DISC1: variants seen among roughly 807,000 people sequenced by gnomAD.
The protein encoded by DISC1 is DISC1 scaffold protein, also known as disrupted in schizophrenia 1 protein.
DISC1 carries 57 observed loss-of-function variants against 84.5 expected under a neutral mutation model. The ratio of observed to expected loss-of-function variants is 0.67; its 90% confidence interval spans 0.55 to 0.84. DISC1 has a LOEUF of 0.84. DISC1 is among the 40% of genes least tolerant of loss of function. The pLI is 0.00. For synonymous variants in DISC1, 411 were observed against 415.2 expected (o/e 0.99, Z 0.12); for missense variants, 1,000 against 1,057.8 (o/e 0.95, Z 0.76).
intron 9 of DISC1, among the ~76,000 whole-genome samples, chr1:231,828,885 G>T (rs6667141): frequency 0.24 from 36,880 of 151,974 alleles, 4,768 homozygotes; most frequent in Non-Finnish European, 0.26. Flanking sequence ...TGAAACTGAG[G>T]CTCAGTGAAT....
chr1:231,957,144 CTG>C lies in DISC1; in HGVS notation c.1982-1683_1982-1682del, dbSNP rs112975502. On this transcript the variant is annotated intron_variant, in intron 9 of 12. Coordinates refer to ENST00000439617, the MANE Select transcript of DISC1 (RefSeq NM_018662.3). ...ACCACAGTGGCCCGCTTGATTGGAC[CTG>C]GGTTGTTTCTCTGCCTTCATCTTTT... Among the ~76,000 whole-genome samples, 645 of 152,310 alleles carry C rather than the reference CTG, an allele frequency of 4.2e-3. 13 individuals carry two copies. The South Asian group carries it at 0.069, about 16-fold the overall frequency.
At chr1:231,654,464 A>C (rs1458885092) in intron 1 of DISC1, among the ~76,000 whole-genome samples, 4 of 152,068 alleles carry the variant, frequency 2.6e-5, no homozygotes, top group Non-Finnish European at 5.9e-5. Flanking sequence ...TGTGGTATGA[A>C]ATTTTTGTGT....
intron 4 of DISC1, among the ~76,000 whole-genome samples, chr1:231,752,450 T>C (rs2074708440): frequency 6.6e-6 from 1 of 152,166 alleles, no homozygotes; most frequent in Non-Finnish European, 1.5e-5. Context: ...GAGAACTCTA[T>C]CATGAGAATA....
chr1:231,937,826 A>G (rs775000316), intron 9 of DISC1, among the ~76,000 whole-genome samples: 1 of 151,958 alleles, frequency 6.6e-6, no homozygotes, highest in Non-Finnish European at 1.5e-5. Context: ...GCGTGTGTGC[A>G]TGAAAGCAGC....
At chr1:231,963,858 T>G (rs1660734420) in intron 10 of DISC1, among the ~76,000 whole-genome samples, 1 of 152,154 alleles carries the variant, frequency 6.6e-6, no homozygotes, top group Admixed American at 6.5e-5. Context: ...ATGATCCATG[T>G]GAGCAAGCAG....
chr1:231,938,603 A>G (rs560733654), intron 9 of DISC1, among the ~76,000 whole-genome samples: 2 of 152,344 alleles, frequency 1.3e-5, no homozygotes, highest in African/African-American at 4.8e-5. Context: ...GACTGAGCAG[A>G]GAGCCAGCCG....
chr1:231,740,628 T>G (rs2073132231), intron 3 of DISC1, among the ~76,000 whole-genome samples: 1 of 152,204 alleles, frequency 6.6e-6, no homozygotes, highest in African/African-American at 2.4e-5. Flanking sequence ...TTCTATGAAA[T>G]GCTTAGAACC....
rs191878144 is a variant in DISC1, at chr1:231,959,895, G to A, written c.2042+1007G>A. Among the ~76,000 whole-genome samples the A allele has an allele frequency of 3.9e-5, 6 of 152,236 alleles. No homozygotes were observed. In the East Asian group the frequency reaches 7.7e-4, roughly 20 times the overall value. On this transcript the variant is annotated intron_variant, in intron 10 of 12. Coordinates refer to ENST00000439617, the MANE Select transcript of DISC1 (RefSeq NM_018662.3). The stretch of plus-strand genomic sequence containing the variant: ...GGCCTTCCTCCTCTCGCATGTGTTC[G>A]GGGCAGATTTCTGGCACATCCTTCT...
intron 3 of DISC1, among the ~76,000 whole-genome samples, chr1:231,740,183 C>T (rs2073062818): frequency 6.6e-6 from 1 of 152,124 alleles, no homozygotes; most frequent in Non-Finnish European, 1.5e-5. Flanking sequence ...GTTTAATCTA[C>T]CCAGTCTATG....
chr1:231,809,843 T>C (rs2080116382), intron 8 of DISC1, among the ~76,000 whole-genome samples: 1 of 152,240 alleles, frequency 6.6e-6, no homozygotes, highest in Non-Finnish European at 1.5e-5. Flanking sequence ...TATATCATTT[T>C]AAATTTTCTT....
Position 231,868,692 on chromosome 1 carries a change from T to TTATATATATA in DISC1, c.1981+50209_1981+50218dup, listed in dbSNP as rs58636016. On this transcript the variant is annotated intron_variant, in intron 9 of 12. Coordinates refer to ENST00000439617, the MANE Select transcript of DISC1 (RefSeq NM_018662.3). ...GGGCAACATAGCAAGACCCCATCTC[T>TTATATATATA]TATATATATATATATATATATATAT... Among the ~76,000 whole-genome samples the TTATATATATA allele has an allele frequency of 2.9e-3, 312 of 108,782 alleles. 1 individual carries two copies. The highest frequency in any genetic ancestry group is 3.9e-3 in the Non-Finnish European group (202 of 52,274). 71.4% of individuals were successfully genotyped at this position (108,782 alleles called of 152,430 possible).
At chr1:231,931,984 C>T (rs867409610) in intron 9 of DISC1, among the ~76,000 whole-genome samples, 6 of 152,016 alleles carry the variant, frequency 3.9e-5, no homozygotes, top group African/African-American at 1.2e-4. Context: ...AGCTCATGGC[C>T]GTGGGGAGCC....
Position 231,694,534 on chromosome 1 carries a change from C to T in DISC1, c.776C>T (p.Pro259Leu), listed in dbSNP as rs373288445. ...AASLDGPHED[P>L]RCLSRPFSLL... ...AGCTTGGACGGGCCTCACGAGGACC[C>T]GCGATGTCTCTCTCGGCCCTTCAGT... Residue 259 changes from proline (P) to leucine (L), a missense_variant, in exon 2 of 13, where the codon CCG becomes CTG. Coordinates refer to ENST00000439617, the MANE Select transcript of DISC1 (RefSeq NM_018662.3). The T allele has an allele frequency of 3.7e-5, 59 of 1,614,116 alleles. No homozygotes were observed. In the Middle Eastern group the frequency reaches 8.2e-4, roughly 22 times the overall value.
chr1:231,735,877 A>G (rs1209150155), intron 3 of DISC1, among the ~76,000 whole-genome samples: 1 of 152,074 alleles, frequency 6.6e-6, no homozygotes, highest in Non-Finnish European at 1.5e-5. Context: ...CAGTGATGTG[A>G]TATCGGCTCA....
intron 9 of DISC1, among the ~76,000 whole-genome samples, chr1:231,886,799 CTTTCTTTCT>C (rs2086770000): frequency 2.1e-5 from 3 of 142,334 alleles, no homozygotes; most frequent in Admixed American, 7.2e-5. Context: ...TTCTTTCTTT[CTTTCTTTCT>C]TTCTTTCTTT....
At chr1:232,030,759 G>A (rs575410741) in intron 12 of DISC1, among the ~76,000 whole-genome samples, 23 of 152,270 alleles carry the variant, frequency 1.5e-4, no homozygotes, top group African/African-American at 5.5e-4. Flanking sequence ...CTAGAGCTGA[G>A]GGGCTGGAAG....
rs540827324 is a variant in DISC1, at chr1:231,630,211, G to A, written c.67+3277G>A. Among the ~76,000 whole-genome samples, 10 of 152,314 alleles carry A rather than the reference G, an allele frequency of 6.6e-5. No individual in the cohort carries two copies. The highest frequency in any genetic ancestry group is 1.3e-4 in the Non-Finnish European group (9 of 68,024). ...CCCAAAGTGCTGGGATTACAGGCAT[G>A]AGCCACTGCGCCGGGCCCTTTAAAC... is the stretch of plus-strand genomic sequence containing the variant. On this transcript the variant is annotated intron_variant, in intron 1 of 12. Coordinates refer to ENST00000439617, the MANE Select transcript of DISC1 (RefSeq NM_018662.3). The surrounding 1 kb of genome is among the most constrained non-coding windows in gnomAD (Gnocchi z 4.4).
intron 9 of DISC1, among the ~76,000 whole-genome samples, chr1:231,825,839 A>G (rs1343744613): frequency 6.6e-6 from 1 of 152,230 alleles, no homozygotes; most frequent in Non-Finnish European, 1.5e-5. Flanking sequence ...TATTCACATT[A>G]TCTTTCATAT....
chr1:231,737,662 G>T (rs1289914276), intron 3 of DISC1, among the ~76,000 whole-genome samples: 1 of 152,178 alleles, frequency 6.6e-6, no homozygotes, highest in East Asian at 1.9e-4. Flanking sequence ...AGCACTTGTA[G>T]TGCTGGGGAT....
Sources: allele counts gnomAD v4.1 joint callset (sites outside exome capture counted in the v4.1 genomes callset), GRCh38; gene constraint gnomAD v4.1.1; non-coding constraint Gnocchi (gnomAD v3.1); transcripts MANE v1.5; gene names NCBI Gene and HGNC (gene_info 2026-07-23, HGNC 2026-07-21).